CAPN14: variants seen among roughly 807,000 people sequenced by gnomAD.
CAPN14 encodes the protein calpain-14.
In CAPN14, 94 loss-of-function variants were observed where a neutral mutation model predicts 101.3. The observed-to-expected ratio is 0.93, with a 90% CI of 0.79 to 1.10. CAPN14 has a LOEUF of 1.10. Ranked by LOEUF, CAPN14 falls within the 50% of genes least tolerant of loss-of-function variation. CAPN14 has a pLI of 0.00. For synonymous variants in CAPN14, 338 were observed against 317.9 expected (o/e 1.06, Z -0.67); for missense variants, 837 against 828.4 (o/e 1.01, Z -0.13).
At position 31,189,545 on chromosome 2, in the gene CAPN14, C is replaced by G. The variant is rs1681074694; in HGVS notation, c.1288-67G>C. On this transcript the variant is annotated intron_variant, in intron 12 of 21. Coordinates refer to ENST00000403897, the MANE Select transcript of CAPN14 (RefSeq NM_001145122.2). ...CCAGGGCTGTGGCCAGGCCTGAGGC[C>G]CTCAAAGCTCTGAGCCAGGACTAAG... 5 of 1,300,448 alleles carry G rather than the reference C, an allele frequency of 3.8e-6. No homozygotes were observed. In the Admixed American group the frequency reaches 9.9e-5, roughly 26 times the overall value. The allele number at this position is 1,300,448 out of a possible 1,614,324, so 80.6% of individuals were successfully genotyped here. A position where few individuals can be genotyped will look rare whatever the true frequency, so the allele number is the denominator to read the frequency against.
At chr2:31,176,070 G>A (rs894898639) in intron 21 of CAPN14, among the ~76,000 whole-genome samples, 1 of 152,198 alleles carries the variant, frequency 6.6e-6, no homozygotes, top group Non-Finnish European at 1.5e-5. Flanking sequence ...GACTTGCTTT[G>A]GACAACAGAA....
chr2:31,188,396 G>T (rs1362671443), intron 13 of CAPN14, 42 bp from the exon 14 acceptor site: 1 of 1,548,308 alleles, frequency 6.5e-7, no homozygotes, highest in Non-Finnish European at 8.7e-7. Flanking sequence ...GTTTCCTCTT[G>T]GGAATTTTTT....
chr2:31,217,404 CA>C (rs1464845371), intron 1 of CAPN14, 51 bp downstream of exon 1: 1 of 152,206 alleles, frequency 6.6e-6, no homozygotes, highest in Admixed American at 6.5e-5. Context: ...TGTAGAGTCT[CA>C]TAGGGCCTCT....
At chr2:31,233,442 A>T (rs2148713165) in intron 1 of CAPN14, among the ~76,000 whole-genome samples, 1 of 152,298 alleles carries the variant, frequency 6.6e-6, no homozygotes, top group Non-Finnish European at 1.5e-5. Context: ...GCCACACAAA[A>T]GGAGTGACTC....
Position 31,176,656 on chromosome 2 carries a change from G to T in CAPN14, c.1973-14C>A. 1 of 1,548,946 alleles carries T rather than the reference G, an allele frequency of 6.5e-7. No homozygotes were observed. The highest frequency in any genetic ancestry group is 8.7e-7 in the Non-Finnish European group (1 of 1,144,434). On this transcript the variant is annotated splice_polypyrimidine_tract_variant and intron_variant, in intron 20 of 21. Coordinates refer to ENST00000403897, the MANE Select transcript of CAPN14 (RefSeq NM_001145122.2). ...TTTGGAAGACATCTGTGAAAATGCA[G>T]CAGAAAGGAATACAGCTAATGTGTC...
intron 8 of CAPN14, 83 bp downstream of exon 8, chr2:31,197,166 C>A: frequency 1.1e-6 from 1 of 902,340 alleles, no homozygotes; most frequent in Non-Finnish European, 1.8e-6. Context: ...AAAGAAAGCA[C>A]ACATTTGAAT....
chr2:31,206,666 C>G (rs143353471), intron 1 of CAPN14, among the ~76,000 whole-genome samples: 6 of 152,188 alleles, frequency 3.9e-5, no homozygotes, highest in Non-Finnish European at 8.8e-5. Context: ...GTTGCCAGTA[C>G]GTGCCCATTC....
intron 1 of CAPN14, among the ~76,000 whole-genome samples, chr2:31,210,472 TAAA>T: frequency 1.3e-5 from 2 of 151,868 alleles, no homozygotes; most frequent in Non-Finnish European, 1.5e-5. Context: ...TAAAATAAAA[TAAA>T]ATAAAATAAA....
chr2:31,180,404 C>T (rs190901747), intron 17 of CAPN14, among the ~76,000 whole-genome samples: 3 of 152,280 alleles, frequency 2.0e-5, no homozygotes, highest in Non-Finnish European at 2.9e-5. Context: ...TTACAATTAT[C>T]CACTTAGAAA....
intron 2 of CAPN14, among the ~76,000 whole-genome samples, chr2:31,203,888 C>G (rs148674009): frequency 1.8e-3 from 272 of 152,294 alleles, no homozygotes; most frequent in African/African-American, 6.1e-3. Flanking sequence ...GTAGGTAAAT[C>G]AAGTTTCAGG....
chr2:31,183,788 C>T (rs1465175246), intron 16 of CAPN14, among the ~76,000 whole-genome samples: 1 of 131,454 alleles, frequency 7.6e-6, no homozygotes, highest in East Asian at 2.0e-4. Flanking sequence ...CCCTTCTTCC[C>T]TCCTTTCCTT....
At chr2:31,187,197 G>A (rs1408836571) in intron 15 of CAPN14, among the ~76,000 whole-genome samples, 3 of 152,132 alleles carry the variant, frequency 2.0e-5, no homozygotes, top group Non-Finnish European at 4.4e-5. Flanking sequence ...CAGGTTAGGA[G>A]AGCATGGCCT....
At position 31,200,642 on chromosome 2, in the gene CAPN14, T is replaced by A; in HGVS notation, c.552-17A>T. ...CCAGAGAGCCTGGCCAGGGAAGAAA[T>A]AAACATGAGAGGAAAAAAGTATCAT... is the stretch of plus-strand genomic sequence containing the variant. On this transcript the variant is annotated splice_polypyrimidine_tract_variant and intron_variant, in intron 5 of 21. Coordinates refer to ENST00000403897, the MANE Select transcript of CAPN14 (RefSeq NM_001145122.2). The A allele has an allele frequency of 6.5e-7, 1 of 1,528,410 alleles. No individual in the cohort carries two copies. The highest frequency in any genetic ancestry group is 8.8e-7 in the Non-Finnish European group (1 of 1,137,978). 94.7% of individuals were successfully genotyped at this position (1,528,410 alleles called of 1,614,324 possible). A position where few individuals can be genotyped will look rare whatever the true frequency, so the allele number is the denominator to read the frequency against.
chr2:31,226,917 T>C (rs1238049172), intron 1 of CAPN14, among the ~76,000 whole-genome samples: 1 of 152,174 alleles, frequency 6.6e-6, no homozygotes, highest in Non-Finnish European at 1.5e-5. Flanking sequence ...AGTAGGATGA[T>C]AGATAGCTCA....
In CAPN14 at chr2:31,195,360, A is replaced by T. The variant is rs150407752; in HGVS notation, c.876-877T>A. Among the ~76,000 whole-genome samples, 1,419 of 152,302 alleles carry T rather than the reference A, an allele frequency of 9.3e-3. 3 individuals carry two copies. The highest frequency in any genetic ancestry group is 0.02 in the Middle Eastern group (6 of 294). On this transcript the variant is annotated intron_variant, in intron 8 of 21. Coordinates refer to ENST00000403897, the MANE Select transcript of CAPN14 (RefSeq NM_001145122.2). ...TTATTTATTCACTTATTTTTGAGAC[A>T]GACTCTCACTCTGCCACGTACGCTG...
At position 31,174,567 on chromosome 2, in the gene CAPN14, A is replaced by T; in HGVS notation, c.*114T>A. On this transcript the variant is annotated 3_prime_UTR_variant, in exon 22 of 22. Coordinates refer to ENST00000403897, the MANE Select transcript of CAPN14 (RefSeq NM_001145122.2). ...CTTCCCAGCTGAGAAGGTGACGGCTAGTGAGGCTGTCCTGAAGATCAGTAA... is the reference window on the plus strand; with the variant it reads ...CTTCCCAGCTGAGAAGGTGACGGCTTGTGAGGCTGTCCTGAAGATCAGTAA... The T allele has an allele frequency of 1.8e-6, 2 of 1,097,242 alleles. No homozygotes were observed. The highest frequency in any genetic ancestry group is 2.7e-6 in the Non-Finnish European group (2 of 743,072). The allele number at this position is 1,097,242 out of a possible 1,614,324, so 68.0% of individuals were successfully genotyped here.
At chr2:31,199,604 G>T in intron 6 of CAPN14, 72 bp from the exon 7 acceptor site, 1 of 1,301,478 alleles carries the variant, frequency 7.7e-7, no homozygotes, top group Non-Finnish European at 1.1e-6. Flanking sequence ...TGGGAAGGCT[G>T]TTTGGCTGGA....
At chr2:31,223,900 T>C (rs536779870) in intron 2 of CAPN14, among the ~76,000 whole-genome samples, 1 of 152,184 alleles carries the variant, frequency 6.6e-6, no homozygotes, top group Non-Finnish European at 1.5e-5. Flanking sequence ...AAGTCATCTA[T>C]GTAAGAATAC....
At position 31,178,547 on chromosome 2, in the gene CAPN14, T is replaced by C; in HGVS notation, c.1743A>G (p.Glu581=). The C allele has an allele frequency of 6.5e-7, 1 of 1,549,386 alleles. No homozygotes were observed. The change falls in exon 18 of 22, where the codon GAA becomes GAG. Residue 581 remains glutamate (E), a synonymous_variant. Transcript: ENST00000403897. Reference sequence around the variant, plus strand: ...TCAGCTGCTTCCACAGGTCCCTGAATTCCTGGATGCTCATAGTACCTGATG... The same window carrying C: ...TCAGCTGCTTCCACAGGTCCCTGAACTCCTGGATGCTCATAGTACCTGATG... The part of the protein sequence containing the change: ...LNASGTMSIQ[E]FRDLWKQLKL...
Sources: allele counts gnomAD v4.1 joint callset (sites outside exome capture counted in the v4.1 genomes callset), GRCh38; gene constraint gnomAD v4.1.1; transcripts MANE v1.5; gene names NCBI Gene and HGNC (gene_info 2026-07-23, HGNC 2026-07-21).